The following SLC14A2 variants were observed in gnomAD, a reference collection of about 807,000 sequenced individuals.
SLC14A2 encodes the protein urea transporter 2.
SLC14A2 carries 91 observed loss-of-function variants against 104.6 expected under a neutral mutation model. The observed-to-expected ratio is 0.87, with a 90% CI of 0.73 to 1.04. The LOEUF is 1.04. SLC14A2 is among the 50% of genes least tolerant of loss of function. SLC14A2 has a pLI of 0.00. For synonymous variants in SLC14A2, 476 were observed against 466.4 expected (o/e 1.02, Z -0.27); for missense variants, 1,189 against 1,156.0 (o/e 1.03, Z -0.41).
At chr18:45,188,069 G>A in the SLC14A2 span, among the ~76,000 whole-genome samples, 3 of 152,134 alleles carry the variant, frequency 2.0e-5, no homozygotes, top group Non-Finnish European at 4.4e-5. Context: ...TTGGGAGGGT[G>A]TAATTTAAAG....
chr18:45,565,210 C>T (rs555752872), intron 2 of SLC14A2, among the ~76,000 whole-genome samples: 3 of 151,698 alleles, frequency 2.0e-5, no homozygotes, highest in South Asian at 2.1e-4. Context: ...CTGCAAGCTC[C>T]GCCTCCCGGG....
In SLC14A2 at chr18:45,226,142, T is replaced by C. The variant is rs567150835; in HGVS notation, c.-125+12951T>C. On this transcript the variant is annotated intron_variant, in intron 1 of 20. Transcript: ENST00000586448. ...AGATACCATCTCACACCAGTTAGAA[T>C]GGCAATCATTAAAAAGTCAGGAAAC... Among the ~76,000 whole-genome samples the C allele has an allele frequency of 9.2e-5, 14 of 152,248 alleles. No individual in the cohort carries two copies. The East Asian group carries it at 2.7e-3, about 29-fold the overall frequency.
intron 1 of SLC14A2, among the ~76,000 whole-genome samples, chr18:45,437,855 A>G (rs2086622106): frequency 6.6e-6 from 1 of 152,246 alleles, no homozygotes; most frequent in Non-Finnish European, 1.5e-5. Context: ...AATAACTCCA[A>G]GTATGAGGAT....
rs1218975943 is a variant in SLC14A2, at chr18:45,668,445, G to A, written c.2004G>A (p.Leu668=). Residue 668 remains leucine (L), a synonymous_variant, in exon 15 of 20, where the codon CTG becomes CTA. Coordinates refer to ENST00000255226, the MANE Select transcript of SLC14A2 (RefSeq NM_007163.4). ...FSDKGDYYWW[L]LLPVIIMSMS... ...ACAAAGGTGACTACTACTGGTGGCT[G>A]TTGCTACCCGTCATCATCATGTCCA... is the stretch of plus-strand genomic sequence containing the variant. The A allele has an allele frequency of 6.2e-7, 1 of 1,614,130 alleles. No homozygotes were observed. The highest frequency in any genetic ancestry group is 1.1e-5 in the South Asian group (1 of 91,084).
intron 1 of SLC14A2, among the ~76,000 whole-genome samples, chr18:45,449,491 C>T (rs778068053): frequency 1.2e-4 from 18 of 152,280 alleles, no homozygotes; most frequent in Admixed American, 7.2e-4. Context: ...CGGGGAAAGA[C>T]GATGGAGTCT....
chr18:45,362,372 T>C (rs1342724712), intron 1 of SLC14A2, among the ~76,000 whole-genome samples: 1 of 152,210 alleles, frequency 6.6e-6, no homozygotes, highest in African/African-American at 2.4e-5. Flanking sequence ...TCTCCTCCAC[T>C]GACAGGAACC....
chr18:45,634,404 A>G (rs992732995), intron 5 of SLC14A2, among the ~76,000 whole-genome samples: 1 of 152,256 alleles, frequency 6.6e-6, no homozygotes, highest in Non-Finnish European at 1.5e-5. Context: ...TCAAGATGTG[A>G]TAAGTGCTTT....
intron 2 of SLC14A2, among the ~76,000 whole-genome samples, chr18:45,533,015 T>C (rs1266363637): frequency 1.3e-5 from 2 of 152,218 alleles, no homozygotes; most frequent in African/African-American, 4.8e-5. Context: ...GATTTGCGTA[T>C]GTTGAACCAG....
intron 1 of SLC14A2, among the ~76,000 whole-genome samples, chr18:45,618,423 C>T (rs749201744): frequency 5.9e-5 from 9 of 152,166 alleles, no homozygotes; most frequent in Non-Finnish European, 1.0e-4. Context: ...AATCCCAGCA[C>T]TTTGGGAGGC....
intron 10 of SLC14A2, among the ~76,000 whole-genome samples, chr18:45,658,580 C>CAA (rs36007266): frequency 1.5e-5 from 2 of 136,156 alleles, no homozygotes; most frequent in Non-Finnish European, 1.6e-5. Context: ...AACTCCAACT[C>CAA]AAAAAAAAAA....
At chr18:45,270,764 G>T (rs1271811522) in intron 1 of SLC14A2, among the ~76,000 whole-genome samples, 4 of 152,110 alleles carry the variant, frequency 2.6e-5, no homozygotes, top group Non-Finnish European at 2.9e-5. Flanking sequence ...TCCAGAGCCT[G>T]CCAAGAAAAA....
upstream of SLC14A2, among the ~76,000 whole-genome samples, chr18:45,209,348 A>G (rs942191699): frequency 1.4e-4 from 22 of 152,044 alleles, no homozygotes; most frequent in African/African-American, 4.6e-4. Flanking sequence ...GTCTCAAAAC[A>G]AAACAACAAC....
At chr18:45,516,236 C>T (rs2043439202) in intron 2 of SLC14A2, among the ~76,000 whole-genome samples, 1 of 152,170 alleles carries the variant, frequency 6.6e-6, no homozygotes, top group Non-Finnish European at 1.5e-5. Flanking sequence ...CTTCCTTCCT[C>T]CCTTCCATTC....
At chr18:45,192,540 T>C in the SLC14A2 span, among the ~76,000 whole-genome samples, 147,064 of 152,270 alleles carry the variant, frequency 0.97, 71,234 homozygotes, top group East Asian at 1. Context: ...CAGCAGTGTT[T>C]CGTTTCCTTC....
intron 2 of SLC14A2, among the ~76,000 whole-genome samples, chr18:45,570,013 A>G (rs1362037696): frequency 6.6e-6 from 1 of 152,206 alleles, no homozygotes; most frequent in Non-Finnish European, 1.5e-5. Flanking sequence ...ATCAAAAATG[A>G]AGAAAAAATT....
At chr18:45,381,783 T>A (rs947532235) in intron 1 of SLC14A2, among the ~76,000 whole-genome samples, 7 of 151,798 alleles carry the variant, frequency 4.6e-5, no homozygotes. Flanking sequence ...AGAGGCCAAA[T>A]AAGAGATCCA....
rs115031755 is a variant in SLC14A2 at position 45,361,032 on chromosome 18, C to T, written c.-124-122201C>T. 7.2e-4 allele frequency among the ~76,000 whole-genome samples: 109 copies of T among 152,218 alleles called. No homozygotes were observed. The East Asian group carries it at 0.012, about 16-fold the overall frequency. On this transcript the variant is annotated intron_variant, in intron 1 of 20. Coordinates refer to the SLC14A2 transcript ENST00000586448. The stretch of plus-strand genomic sequence containing the variant: ...GAAATAAAATGCAATGGACAGGACC[C>T]GTATCCGTCAGTTCTTGTTCTCTTC...
the SLC14A2 span, among the ~76,000 whole-genome samples, chr18:45,178,931 A>G: frequency 1.3e-5 from 2 of 152,226 alleles, no homozygotes; most frequent in Non-Finnish European, 2.9e-5. Context: ...TCACTTTCTC[A>G]GTAAAGTTGA....
At chr18:45,565,551 G>A (rs557274738) in intron 2 of SLC14A2, among the ~76,000 whole-genome samples, 1 of 152,314 alleles carries the variant, frequency 6.6e-6, no homozygotes, top group Admixed American at 6.5e-5. Flanking sequence ...GGCTGGCGTC[G>A]TGGATATCAG....
Sources: allele counts gnomAD v4.1 joint callset (sites outside exome capture counted in the v4.1 genomes callset), GRCh38; gene constraint gnomAD v4.1.1; transcripts MANE v1.5; gene names NCBI Gene and HGNC (gene_info 2026-07-23, HGNC 2026-07-21).